RREB1: variants seen among roughly 807,000 people sequenced by gnomAD.
RREB1 encodes ras responsive element binding protein 1.
In RREB1, 27 loss-of-function variants were observed where a neutral mutation model predicts 117.8. The ratio of observed to expected loss-of-function variants is 0.23; its 90% CI spans 0.17 to 0.32. The LOEUF (loss-of-function observed/expected upper bound fraction) is 0.32. Among genes scored for constraint, RREB1 ranks in the 10% least tolerant of loss-of-function variants. The probability of loss-of-function intolerance (pLI) is 1.00; values close to 1 mark genes in which losing one functional copy is unlikely to be tolerated. For synonymous variants in RREB1, 1,298 were observed against 1,026.7 expected, an observed-to-expected ratio of 1.26 and a Z score of -5.05; for missense variants, 2,577 against 2,378.2, an observed-to-expected ratio of 1.08 and a Z score of -1.74.
At chr6:7,137,367 T>TA (rs778532910) in intron 1 of RREB1, among the ~76,000 whole-genome samples, 4 of 152,218 alleles carry the variant, frequency 2.6e-5, no homozygotes, top group Non-Finnish European at 5.9e-5. Context: ...TGACTGCAGT[T>TA]ACTGCCATTG....
chr6:7,173,443 A>G (rs1256124971), intron 1 of RREB1, among the ~76,000 whole-genome samples: 2 of 151,948 alleles, frequency 1.3e-5, no homozygotes, highest in African/African-American at 2.4e-5. Flanking sequence ...CAGTGAGCCA[A>G]GATCGCGTCA....
chr6:7,183,687 C>T (rs1326790858), intron 4 of RREB1: 1 of 152,104 alleles, frequency 6.6e-6, no homozygotes, highest in African/African-American at 2.4e-5. Context: ...TTTCATCCCC[C>T]TCCTTTCTTC....
intron 1 of RREB1, among the ~76,000 whole-genome samples, chr6:7,130,802 A>G (rs1762123671): frequency 6.6e-6 from 1 of 151,800 alleles, no homozygotes; most frequent in African/African-American, 2.4e-5. Context: ...TGTTTAGTAG[A>G]GATGGGGTTT....
At chr6:7,111,586 T>C (rs1013654557) in intron 1 of RREB1, among the ~76,000 whole-genome samples, 2 of 152,240 alleles carry the variant, frequency 1.3e-5, no homozygotes, top group African/African-American at 4.8e-5. Flanking sequence ...ATTCCCTGTT[T>C]TACATTATTT....
At chr6:7,173,613 A>G (rs963202348) in intron 1 of RREB1, among the ~76,000 whole-genome samples, 1 of 152,116 alleles carries the variant, frequency 6.6e-6, no homozygotes, top group Non-Finnish European at 1.5e-5. Flanking sequence ...CCTGGGCAAC[A>G]TGGCAAAACC....
chr6:7,212,871 A>G (rs1215585006), intron 8 of RREB1: 1 of 152,210 alleles, frequency 6.6e-6, no homozygotes, highest in African/African-American at 2.4e-5. Context: ...ATTATCCTTA[A>G]TCACATTAGC....
chr6:7,165,734 C>T (rs992424572), intron 1 of RREB1, among the ~76,000 whole-genome samples: 4 of 152,108 alleles, frequency 2.6e-5, no homozygotes, highest in South Asian at 2.1e-4. Flanking sequence ...CTGAAGTGTG[C>T]GCATCTCCTC....
chr6:7,161,567 C>T (rs1763664622), intron 1 of RREB1, among the ~76,000 whole-genome samples: 1 of 152,188 alleles, frequency 6.6e-6, no homozygotes, highest in Non-Finnish European at 1.5e-5. Flanking sequence ...CTTCCTGTGC[C>T]TGGGATCCCC....
chr6:7,202,326 C>A (rs1410441123), intron 6 of RREB1, among the ~76,000 whole-genome samples: 1 of 152,212 alleles, frequency 6.6e-6, no homozygotes, highest in Admixed American at 6.5e-5. Flanking sequence ...GTCATCTCTT[C>A]CTCCTGCACA....
chr6:7,158,876 A>G (rs987552168), intron 1 of RREB1, among the ~76,000 whole-genome samples: 1 of 150,674 alleles, frequency 6.6e-6, no homozygotes, highest in African/African-American at 2.4e-5. Context: ...TTTTTTTTTT[A>G]AACCTTGATA....
chr6:7,205,412 C>T (rs1054321171), intron 6 of RREB1, among the ~76,000 whole-genome samples: 1 of 152,094 alleles, frequency 6.6e-6, no homozygotes, highest in Non-Finnish European at 1.5e-5. Flanking sequence ...CTGGAGTCTC[C>T]GTAATTACTA....
At chr6:7,112,400 G>A (rs954130781) in intron 1 of RREB1, among the ~76,000 whole-genome samples, 1 of 152,098 alleles carries the variant, frequency 6.6e-6, no homozygotes, top group African/African-American at 2.4e-5. Context: ...AGGCAGTGTT[G>A]AGTCATATTT....
rs965870507 is a variant in RREB1, at chr6:7,231,573, G to C, written c.3474G>C (p.Gly1158=). ...GTSKKRGRKR[G]MRSRPRANSG... Reference sequence around the variant, plus strand: ...CGAAGAAGAGGGGCCGGAAAAGGGGGATGAGGAGCCGACCCCGCGCCAACA... The same window carrying C: ...CGAAGAAGAGGGGCCGGAAAAGGGGCATGAGGAGCCGACCCCGCGCCAACA... The change falls in exon 10 of 13, where the codon GGG becomes GGC. Residue 1158 remains glycine, a synonymous_variant. Coordinates refer to ENST00000379938, the MANE Select transcript of RREB1 (RefSeq NM_001003699.4). The C allele has an allele frequency of 1.2e-6, 2 of 1,611,572 alleles. No homozygotes were observed. Among genetic ancestry groups the C allele is most frequent in the East Asian group, 4.5e-5 (2 of 44,796 alleles).
intron 6 of RREB1, among the ~76,000 whole-genome samples, chr6:7,208,226 G>T (rs758466907): frequency 1.3e-5 from 2 of 152,188 alleles, no homozygotes; most frequent in Non-Finnish European, 2.9e-5. Context: ...TGAGGGAAGG[G>T]GTCATTAGTG....
chr6:7,229,915 C>G lies in RREB1; in HGVS notation c.1816C>G (p.Leu606Val). The G allele has an allele frequency of 1.9e-6, 3 of 1,599,612 alleles. No homozygotes were observed. The highest frequency in any genetic ancestry group is 1.7e-6 in the Non-Finnish European group (2 of 1,169,502). ...LEQDSIIEAL[L>V]PLSMEAKIKQ... ...GCAGGACAGCATCATCGAGGCCCTG[C>G]TGCCGCTGAGCATGGAGGCCAAGAT... is the stretch of plus-strand genomic sequence containing the variant. The change falls in exon 10 of 13, where the codon CTG becomes GTG. Residue 606 changes from leucine (L) to valine (V), a missense_variant. Transcript: ENST00000379938. This position sits in a 1 kb window ranked among gnomAD's most constrained non-coding sequence, Gnocchi z 4.5.
intron 1 of RREB1, among the ~76,000 whole-genome samples, chr6:7,152,194 C>T (rs995057304): frequency 1.5e-4 from 23 of 152,244 alleles, no homozygotes; most frequent in African/African-American, 5.5e-4. Context: ...CACATTATTC[C>T]TGTTGTTTCC....
intron 11 of RREB1, among the ~76,000 whole-genome samples, chr6:7,242,074 G>A (rs1041306007): frequency 3.3e-5 from 5 of 152,230 alleles, no homozygotes; most frequent in Non-Finnish European, 7.3e-5. Context: ...GGTTTAGAAA[G>A]CTGCCCTGTG....
chr6:7,163,698 A>G (rs1763780879), intron 1 of RREB1, among the ~76,000 whole-genome samples: 1 of 152,114 alleles, frequency 6.6e-6, no homozygotes, highest in Non-Finnish European at 1.5e-5. Context: ...CTGGCACTTC[A>G]GCGTTTTAGT....
Position 7,229,065 on chromosome 6 carries a change from C to G in RREB1, c.966C>G (p.Asp322Glu). The change falls in exon 10 of 13, where the codon GAC becomes GAG. Residue 322 changes from aspartate (D) to glutamate (E), a missense_variant. Transcript: ENST00000379938. This position sits in a 1 kb window ranked among gnomAD's most constrained non-coding sequence, Gnocchi z 4.5. ...ACCGTTTTGTCTGCGACACCTGTGA[C>G]AAGGCGTTCCCCATGCTCTGCTCAC... Reference protein sequence around the residue: ...EQHRFVCDTCDKAFPMLCSLA... With the variant: ...EQHRFVCDTCEKAFPMLCSLA... 3 of 1,569,656 alleles carry G rather than the reference C, an allele frequency of 1.9e-6. No homozygotes were observed. Among genetic ancestry groups the G allele is most frequent in the Non-Finnish European group, 2.6e-6 (3 of 1,152,912 alleles).
Sources: allele counts gnomAD v4.1 joint callset (sites outside exome capture counted in the v4.1 genomes callset), GRCh38; gene constraint gnomAD v4.1.1; non-coding constraint Gnocchi (gnomAD v3.1); transcripts MANE v1.5; gene names NCBI Gene and HGNC (gene_info 2026-07-23, HGNC 2026-07-21).